The following F8 variants were observed in gnomAD, a reference collection of about 807,000 sequenced individuals.
F8 encodes the protein coagulation factor VIII, also known as antihemophilic factor.
Under a neutral mutation model 140.6 loss-of-function variants are expected in F8, and 12 were observed. The observed-to-expected ratio is 0.09, with a 90% CI of 0.05 to 0.14. The LOEUF (loss-of-function observed/expected upper bound fraction) is 0.14. Among genes scored for constraint, F8 ranks in the 10% least tolerant of loss-of-function variants. F8 has a pLI of 1.00. For missense variants in F8, 1,354 were observed against 1,720.7 expected, an observed-to-expected ratio of 0.79 and a Z score of 3.77; for synonymous variants, 585 against 614.6, an observed-to-expected ratio of 0.95 and a Z score of 0.71.
At chrX:154,927,596 C>T (rs1239199566) in intron 14 of F8, among the ~76,000 whole-genome samples, 3 of 111,677 alleles carry the variant, frequency 2.7e-5, no homozygotes, top group Non-Finnish European at 5.7e-5. Flanking sequence ...AAAAGGTGCT[C>T]GAGATTTAAG....
At chrX:154,950,870 A>G (rs1557280679) in intron 12 of F8, among the ~76,000 whole-genome samples, 5 of 111,720 alleles carry the variant, frequency 4.5e-5, no homozygotes, top group Non-Finnish European at 9.4e-5. Context: ...TGCTTTCAGG[A>G]TTCTCTCTTT....
At chrX:154,853,076 G>T (rs782520381) in intron 25 of F8, among the ~76,000 whole-genome samples, 1 of 109,653 alleles carries the variant, frequency 9.1e-6, no homozygotes, top group East Asian at 2.8e-4. Flanking sequence ...TTCCATATTT[G>T]CTGTCTTCAG....
Position 154,930,032 on chromosome X carries a change from T to G in F8, c.3758A>C (p.Gln1253Pro). Residue 1253 changes from glutamine (Q) to proline (P), a missense_variant, in exon 14 of 26, where the codon CAA (glutamine) becomes CCA (proline). Gln to Pro is a moderately conservative substitution (Grantham distance 76, BLOSUM62 -1). Coordinates refer to ENST00000360256, the MANE Select transcript of F8 (RefSeq NM_000132.4). ...CCCGTCATATGAACCTTCTACATTT[T>G]GCCTAGTGCTCAGTAAGAAAAGGTT... ...MKNLFLLSTR[Q>P]NVEGSYDGAY... The G allele has an allele frequency of 8.3e-7, 1 of 1,211,526 alleles. No homozygotes were observed. The highest frequency in any genetic ancestry group is 1.8e-5 in the South Asian group (1 of 56,983).
intron 22 of F8, among the ~76,000 whole-genome samples, chrX:154,868,168 G>A (rs1002809642): frequency 4.5e-5 from 5 of 111,627 alleles, no homozygotes; most frequent in African/African-American, 6.5e-5. Context: ...ACCTTGAATC[G>A]TAATCCCCAT....
At chrX:154,844,441 T>A (rs1470552243) in intron 25 of F8, among the ~76,000 whole-genome samples, 1 of 111,709 alleles carries the variant, frequency 9.0e-6, no homozygotes, top group Admixed American at 9.5e-5. Flanking sequence ...TGTTCTTCCA[T>A]TTGTTTGTAT....
Position 154,928,859 on chromosome X carries a change from G to A in F8, c.4931C>T (p.Thr1644Ile). The part of the protein sequence containing the change: ...EGQNKPEIEV[T>I]WAKQGRTERL... ...TTCAGTCCTACCTTGCTTTGCCCAG[G>A]TGACTTCTATTTCGGGCTTATTTTG... The change falls in exon 14 of 26, where the codon ACC becomes ATC. Residue 1644 changes from threonine (T) to isoleucine (I), a missense_variant. Physicochemically the swap from Thr to Ile is moderately conservative, Grantham distance 89. Around this residue, in one of 4 missense-constraint regions of F8, gnomAD observed 658 missense variants for 666.5 expected, o/e 0.99. Transcript: ENST00000360256. 1 of 1,211,811 alleles carries A rather than the reference G, an allele frequency of 8.3e-7. No homozygotes were observed. The highest frequency in any genetic ancestry group is 1.1e-6 in the Non-Finnish European group (1 of 895,515).
At chrX:154,869,315 T>C (rs1281239645) in intron 22 of F8, among the ~76,000 whole-genome samples, 2 of 111,345 alleles carry the variant, frequency 1.8e-5, no homozygotes, top group Non-Finnish European at 3.8e-5. Flanking sequence ...CCTCAGCAAA[T>C]ACAAAAGAAT....
At chrX:154,876,408 C>T (rs782207197) in intron 22 of F8, among the ~76,000 whole-genome samples, 88 of 111,413 alleles carry the variant, frequency 7.9e-4, no homozygotes, top group Non-Finnish European at 1.1e-3. Flanking sequence ...CATAAGCCAC[C>T]GTGCCCGGCT....
At chrX:154,980,937 C>T (rs782514636) in intron 6 of F8, among the ~76,000 whole-genome samples, 2 of 112,332 alleles carry the variant, frequency 1.8e-5, no homozygotes, top group African/African-American at 3.2e-5. Context: ...CACCACTGCA[C>T]TCCAACCTAG....
intron 17 of F8, 78 bp from the exon 18 acceptor site, chrX:154,904,166 A>G (rs1299987981): frequency 1.8e-6 from 2 of 1,114,869 alleles, no homozygotes; most frequent in East Asian, 6.0e-5. Context: ...AAAAACTGAC[A>G]TCTATGAGGA....
chrX:154,869,221 C>T (rs1240388690), intron 22 of F8, among the ~76,000 whole-genome samples: 1 of 111,838 alleles, frequency 8.9e-6, no homozygotes, highest in Admixed American at 9.5e-5. Context: ...GAACTCTCCA[C>T]CCCAAATCAA....
chrX:154,843,480 C>T (rs1262405070), intron 25 of F8, among the ~76,000 whole-genome samples: 33 of 111,746 alleles, frequency 3.0e-4, no homozygotes, highest in East Asian at 2.8e-4. Flanking sequence ...TTTTAATGAT[C>T]GCCATTCTAA....
chrX:154,904,645 T>A, intron 16 of F8, 121 bp from the exon 17 acceptor site: 1 of 754,636 alleles, frequency 1.3e-6, no homozygotes, highest in Admixed American at 2.5e-5. Flanking sequence ...ATATAATCCA[T>A]CCTCTTCAGT....
intron 25 of F8, among the ~76,000 whole-genome samples, chrX:154,838,991 A>G (rs2072497312): frequency 1.2e-5 from 1 of 83,325 alleles, no homozygotes; most frequent in African/African-American, 4.9e-5. Flanking sequence ...TGGCCCCCTT[A>G]CTCTGGTCTC....
At chrX:154,908,985 G>T (rs1331540148) in intron 14 of F8, 2 of 159,921 alleles carry the variant, frequency 1.3e-5, no homozygotes, top group Admixed American at 1.5e-4. Context: ...GAGGTGGAGA[G>T]CCAGCACTGA....
Position 154,904,992 on chromosome X carries a change from T to C in F8, c.5405A>G (p.Tyr1802Cys). The change falls in exon 16 of 26, where the codon TAT (tyrosine) becomes TGT (cysteine). Residue 1802 changes from tyrosine to cysteine, a missense_variant. Physicochemically the swap from Tyr to Cys is radical, Grantham distance 194. Around this residue, in one of 4 missense-constraint regions of F8, gnomAD observed 316 missense variants for 485.4 expected, o/e 0.65. Transcript: ENST00000360256. ...VTFRNQASRP[Y>C]SFYSSLISYE... The stretch of plus-strand genomic sequence containing the variant: ...AGAAATAAGGCTAGAATAGAAGGAA[T>C]AGGGACGAGAGGCCTGATTTCTGAA... The C allele has an allele frequency of 8.3e-7, 1 of 1,206,623 alleles. No individual in the cohort carries two copies. Among genetic ancestry groups the C allele is most frequent in the Non-Finnish European group, 1.1e-6 (1 of 892,624 alleles).
chrX:154,933,012 C>T (rs1255196593), intron 13 of F8, among the ~76,000 whole-genome samples: 5 of 111,553 alleles, frequency 4.5e-5, no homozygotes, highest in African/African-American at 1.3e-4. Flanking sequence ...TTTACCCTCC[C>T]CTCTGAGAGG....
At chrX:154,979,499 A>C (rs140657308) in intron 6 of F8, among the ~76,000 whole-genome samples, 4,891 of 111,036 alleles carry the variant, frequency 0.044, 268 homozygotes, top group African/African-American at 0.15. Context: ...TACCGAGGTC[A>C]CTAGCAAAAT....
At chrX:154,936,023 C>CACACACACACAA (rs1338414054) in intron 13 of F8, among the ~76,000 whole-genome samples, 4 of 93,680 alleles carry the variant, frequency 4.3e-5, no homozygotes, top group African/African-American at 1.5e-4. Context: ...CACACACACA[C>CACACACACACAA]AAAAATCAAA....
Sources: allele counts gnomAD v4.1 joint callset (sites outside exome capture counted in the v4.1 genomes callset), GRCh38; gene constraint gnomAD v4.1.1; regional missense constraint gnomAD v4.1.1; transcripts MANE v1.5; gene names NCBI Gene and HGNC (gene_info 2026-07-23, HGNC 2026-07-21).